The following SLC26A8 variants were observed in gnomAD, a reference collection of about 807,000 sequenced individuals.
The protein encoded by SLC26A8 is solute carrier family 26 member 8, also known as testis anion transporter 1.
A neutral mutation model predicts 105.0 loss-of-function variants in SLC26A8; 70 were observed. The ratio of observed to expected loss-of-function variants is 0.67; its 90% CI spans 0.55 to 0.81. The LOEUF is 0.81. Among genes scored for constraint, SLC26A8 ranks in the 40% least tolerant of loss-of-function variants. The pLI, the probability that SLC26A8 is intolerant of heterozygous loss-of-function variation, is 0.00. For synonymous variants in SLC26A8, 415 were observed against 438.3 expected, an observed-to-expected ratio of 0.95 and a Z score of 0.66; for missense variants, 998 against 1,181.8, an observed-to-expected ratio of 0.84 and a Z score of 2.28.
At chr6:36,017,632 CAACAAAACAAAACAA>C (rs55699221) in intron 2 of SLC26A8, among the ~76,000 whole-genome samples, 6 of 150,842 alleles carry the variant, frequency 4.0e-5, no homozygotes, top group Non-Finnish European at 8.9e-5. Context: ...AATTCCGTCT[CAACAAAACAAAACAA>C]AACAAAACAA....
At chr6:35,989,545 A>G (rs1224644709) in intron 7 of SLC26A8, 1 of 152,226 alleles carries the variant, frequency 6.6e-6, no homozygotes, top group Non-Finnish European at 1.5e-5. Context: ...AGAGGTGAAC[A>G]GTCAAAAGAA....
intron 3 of SLC26A8, among the ~76,000 whole-genome samples, chr6:36,008,939 G>A (rs889928889): frequency 6.6e-5 from 10 of 152,176 alleles, no homozygotes; most frequent in African/African-American, 2.4e-4. Context: ...AATATGTTAA[G>A]CCACTCTGGA....
intron 19 of SLC26A8, 90 bp from the exon 20 acceptor site, chr6:35,944,430 A>G (rs1771595284): frequency 6.8e-6 from 6 of 876,096 alleles, no homozygotes; most frequent in Non-Finnish European, 7.1e-6. Flanking sequence ...CAGCACTTTG[A>G]GAGGCTGGGG....
intron 11 of SLC26A8, among the ~76,000 whole-genome samples, chr6:35,963,172 C>T (rs570605076): frequency 3.3e-5 from 5 of 152,166 alleles, no homozygotes; most frequent in East Asian, 1.9e-4. Flanking sequence ...GAGCAGGCCC[C>T]GGAGACAAAA....
At chr6:35,959,633 A>G (rs767575237) in intron 15 of SLC26A8, 42 bp from the exon 16 acceptor site, 1 of 1,609,226 alleles carries the variant, frequency 6.2e-7, no homozygotes, top group Middle Eastern at 1.7e-4. Flanking sequence ...AGAATGGTGG[A>G]ACAGAAGGTG....
chr6:35,968,772 G>GTCCC, intron 11 of SLC26A8, 105 bp downstream of exon 11: 2 of 103,686 alleles, frequency 1.9e-5, no homozygotes, highest in South Asian at 2.2e-4. Context: ...CCTCGGAGAT[G>GTCCC]CCCGCCCCCC....
At chr6:35,967,392 T>TA (rs1405020127) in intron 11 of SLC26A8, among the ~76,000 whole-genome samples, 9 of 152,150 alleles carry the variant, frequency 5.9e-5, no homozygotes, top group Admixed American at 2.0e-4. Context: ...TAAAAATGGC[T>TA]AACAGGAACA....
In SLC26A8 at chr6:35,991,727, G is replaced by T; in HGVS notation, c.874C>A (p.Arg292=). ...GAAATTCTGATACATTTGTTGATTC[G>T]CAGAGCAACAACAACAGTTAGAAAT... ...LVFLTVVVAL[R]INKCIRISFN... The change falls in exon 7 of 20, where the codon CGA becomes AGA. Residue 292 remains arginine, a synonymous_variant. Transcript: ENST00000490799. 2 of 1,606,690 alleles carry T rather than the reference G, an allele frequency of 1.2e-6. No individual in the cohort carries two copies. The highest frequency in any genetic ancestry group is 2.7e-5 in the African/African-American group (2 of 74,742).
At position 35,977,188 on chromosome 6, in the gene SLC26A8, G is replaced by A; in HGVS notation, c.1173+16C>T. Reference sequence around the variant, plus strand: ...AACAAAGAGTTAAGGATCAGAGGAAGTAGTAGTCCTCTCACCTGGTTGGAA... The same window carrying A: ...AACAAAGAGTTAAGGATCAGAGGAAATAGTAGTCCTCTCACCTGGTTGGAA... On this transcript the variant is annotated intron_variant, in intron 9 of 19. Coordinates refer to ENST00000490799, the MANE Select transcript of SLC26A8 (RefSeq NM_052961.4). 6.2e-6 allele frequency: 10 copies of A among 1,608,522 alleles called. No homozygotes were observed. Among genetic ancestry groups the A allele is most frequent in the Non-Finnish European group, 8.5e-6 (10 of 1,177,684 alleles).
At chr6:35,947,492 T>C (rs1771716479) in intron 19 of SLC26A8, among the ~76,000 whole-genome samples, 1 of 152,184 alleles carries the variant, frequency 6.6e-6, no homozygotes, top group Admixed American at 6.5e-5. Context: ...TAGTATTATT[T>C]TTAGAAAATA....
chr6:35,955,088 C>T (rs1415515710), intron 17 of SLC26A8, 64 bp downstream of exon 17: 2 of 1,598,174 alleles, frequency 1.3e-6, no homozygotes, highest in African/African-American at 2.7e-5. Context: ...CAATCAGGAT[C>T]AGGGTGGGGT....
At chr6:35,994,953 G>A (rs1217047456) in intron 5 of SLC26A8, among the ~76,000 whole-genome samples, 2 of 152,216 alleles carry the variant, frequency 1.3e-5, no homozygotes, top group Non-Finnish European at 2.9e-5. Flanking sequence ...TCCTGGGCTT[G>A]GAGAATCTGG....
intron 2 of SLC26A8, among the ~76,000 whole-genome samples, chr6:36,017,871 C>T (rs116721498): frequency 0.01 from 1,597 of 152,212 alleles, 23 homozygotes; most frequent in African/African-American, 0.036. Context: ...AATGAATAGA[C>T]ATTTCTCCAA....
At chr6:35,992,011 T>C (rs1463437323) in intron 6 of SLC26A8, among the ~76,000 whole-genome samples, 1 of 152,106 alleles carries the variant, frequency 6.6e-6, no homozygotes, top group African/African-American at 2.4e-5. Context: ...TAATGCTCAA[T>C]AAGAATAAGG....
intron 1 of SLC26A8, among the ~76,000 whole-genome samples, chr6:36,024,025 C>T (rs552810777): frequency 6.8e-6 from 1 of 147,422 alleles, no homozygotes; most frequent in South Asian, 2.2e-4. Context: ...GAAGGCTTCA[C>T]GGGGCCCCTG....
chr6:35,964,704 G>A (rs1358499161), intron 11 of SLC26A8, among the ~76,000 whole-genome samples: 4 of 151,804 alleles, frequency 2.6e-5, no homozygotes, highest in Non-Finnish European at 5.9e-5. Context: ...GGTGGATCAC[G>A]CCTGTAATCC....
chr6:35,950,624 T>C (rs1262701665), intron 19 of SLC26A8, among the ~76,000 whole-genome samples: 1 of 152,170 alleles, frequency 6.6e-6, no homozygotes, highest in African/African-American at 2.4e-5. Flanking sequence ...TTCAGACTTA[T>C]ATATTATTCT....
At chr6:35,989,892 CTG>C (rs555991693) in intron 7 of SLC26A8, 1 of 63,090 alleles carries the variant, frequency 1.6e-5, no homozygotes, top group African/African-American at 5.8e-5. Context: ...GAGTTTTGTT[CTG>C]TTTTTTTTTT....
chr6:36,006,290 T>G (rs1177831915), intron 3 of SLC26A8, among the ~76,000 whole-genome samples: 2 of 152,152 alleles, frequency 1.3e-5, no homozygotes, highest in African/African-American at 4.8e-5. Context: ...TGGCTAATTT[T>G]TGTATTTTTA....
Sources: allele counts gnomAD v4.1 joint callset (sites outside exome capture counted in the v4.1 genomes callset), GRCh38; gene constraint gnomAD v4.1.1; transcripts MANE v1.5; gene names NCBI Gene and HGNC (gene_info 2026-07-23, HGNC 2026-07-21).